CD96: variants seen among roughly 807,000 people sequenced by gnomAD.
CD96 encodes the protein CD96 molecule.
A neutral mutation model predicts 71.3 loss-of-function variants in CD96; 70 were observed. The ratio of observed to expected loss-of-function variants is 0.98; its 90% CI spans 0.81 to 1.20. The LOEUF (loss-of-function observed/expected upper bound fraction) is 1.20, where lower values mean the gene tolerates loss of function less well. Ranked by LOEUF, CD96 falls within the 50% of genes most tolerant of loss-of-function variation. The pLI is 0.00. For synonymous variants in CD96, 248 were observed against 233.0 expected, an observed-to-expected ratio of 1.06 and a Z score of -0.59; for missense variants, 742 against 677.5, an observed-to-expected ratio of 1.10 and a Z score of -1.06.
chr3:111,655,280 AC>A (rs1039002545), downstream of CD96, among the ~76,000 whole-genome samples: 3 of 152,070 alleles, frequency 2.0e-5, no homozygotes, highest in Non-Finnish European at 4.4e-5. Flanking sequence ...TTTCCTGAAT[AC>A]CTCTTTTCGA....
At position 111,586,800 on chromosome 3, in the gene CD96, G is replaced by A. The variant is rs989191895; in HGVS notation, c.807+1422G>A. Among the ~76,000 whole-genome samples the A allele has an allele frequency of 2.0e-5, 3 of 152,170 alleles. 1 individual carries two copies. The highest frequency in any genetic ancestry group is 4.2e-4 in the South Asian group (2 of 4,810). On this transcript the variant is annotated intron_variant, in intron 5 of 13. Coordinates refer to ENST00000352690, the MANE Select transcript of CD96 (RefSeq NM_005816.5). ...TCCCACCAGGTCCCTCCCACAACACGTGGGAATTCGAGATTAGATTTGGGT... is the reference window on the plus strand; with the variant it reads ...TCCCACCAGGTCCCTCCCACAACACATGGGAATTCGAGATTAGATTTGGGT...
chr3:111,657,323 C>G (rs1940254397), downstream of CD96, among the ~76,000 whole-genome samples: 1 of 151,716 alleles, frequency 6.6e-6, no homozygotes, highest in Non-Finnish European at 1.5e-5. Flanking sequence ...GAGGCTGAGG[C>G]AGGAGAATCA....
At chr3:111,568,591 C>T (rs1429240977) in intron 3 of CD96, among the ~76,000 whole-genome samples, 2 of 152,150 alleles carry the variant, frequency 1.3e-5, no homozygotes, top group Non-Finnish European at 2.9e-5. Flanking sequence ...TGGCCTGTCC[C>T]TTAACAAAAC....
At chr3:111,589,737 C>CTTAT (rs1193612913) in intron 5 of CD96, among the ~76,000 whole-genome samples, 2 of 152,144 alleles carry the variant, frequency 1.3e-5, no homozygotes, top group African/African-American at 4.8e-5. Flanking sequence ...GGCTGAGTCA[C>CTTAT]TAATAAGGGG....
intron 8 of CD96, among the ~76,000 whole-genome samples, chr3:111,618,291 C>T (rs1043663792): frequency 6.6e-6 from 1 of 152,244 alleles, no homozygotes; most frequent in Non-Finnish European, 1.5e-5. Context: ...CACAGAATTT[C>T]TGGCTGGCAA....
At chr3:111,661,231 AC>A (rs1356304663) in intron 14 of CD96, among the ~76,000 whole-genome samples, 1 of 152,114 alleles carries the variant, frequency 6.6e-6, no homozygotes, top group Non-Finnish European at 1.5e-5. Context: ...AGGAAGGGGG[AC>A]ACCCACTTCC....
At chr3:111,573,893 C>T (rs1287880224) in intron 3 of CD96, among the ~76,000 whole-genome samples, 3 of 152,158 alleles carry the variant, frequency 2.0e-5, no homozygotes, top group East Asian at 3.8e-4. Context: ...TTCTAATTGT[C>T]TTTAATAAAA....
chr3:111,614,995 G>A (rs958935112), intron 8 of CD96, among the ~76,000 whole-genome samples: 1 of 152,160 alleles, frequency 6.6e-6, no homozygotes, highest in African/African-American at 2.4e-5. Context: ...GGTTGATGAT[G>A]GACCACCACT....
At chr3:111,607,837 T>C (rs1937697306) in intron 8 of CD96, among the ~76,000 whole-genome samples, 1 of 152,214 alleles carries the variant, frequency 6.6e-6, no homozygotes, top group African/African-American at 2.4e-5. Flanking sequence ...TCTTTTCTTC[T>C]TTTTTTGAAG....
chr3:111,647,782 G>A, intron 13 of CD96, 116 bp downstream of exon 13: 1 of 753,810 alleles, frequency 1.3e-6, no homozygotes, highest in Non-Finnish European at 2.2e-6. Flanking sequence ...GGGAAATAAT[G>A]CTCACAGAAG....
Position 111,585,359 on chromosome 3 carries a change from C to T in CD96, c.788C>T (p.Ser263Phe), listed in dbSNP as rs776741463. ...ATCCCTGTGATTGTGGAAAATAACTCCACGGATGTCTTGGTAGAGGTGAGT... is the reference window on the plus strand; with the variant it reads ...ATCCCTGTGATTGTGGAAAATAACTTCACGGATGTCTTGGTAGAGGTGAGT... ...PEIPVIVENN[S>F]TDVLVERRFT... The change falls in exon 5 of 14, where the codon TCC becomes TTC. Residue 263 changes from serine to phenylalanine, a missense_variant. Transcript: ENST00000352690. The T allele has an allele frequency of 2.5e-6, 4 of 1,609,116 alleles. No individual in the cohort carries two copies. Among genetic ancestry groups the T allele is most frequent in the Non-Finnish European group, 3.4e-6 (4 of 1,175,656 alleles).
intron 8 of CD96, 136 bp from the exon 9 acceptor site, chr3:111,623,618 A>C (rs2107711077): frequency 1.5e-6 from 1 of 683,194 alleles, no homozygotes; most frequent in African/African-American, 1.8e-5. Flanking sequence ...ATTCGGTTTC[A>C]TCATTTATAA....
At chr3:111,547,323 C>G (rs1934459447) in intron 2 of CD96, among the ~76,000 whole-genome samples, 1 of 152,170 alleles carries the variant, frequency 6.6e-6, no homozygotes, top group Admixed American at 6.5e-5. Flanking sequence ...AGCCCTGCTC[C>G]TTCTTTTTAT....
intron 1 of CD96, among the ~76,000 whole-genome samples, chr3:111,544,745 T>C (rs1934297072): frequency 6.6e-6 from 1 of 152,226 alleles, no homozygotes; most frequent in Non-Finnish European, 1.5e-5. Flanking sequence ...AATTTTCAAA[T>C]AGGCTTAATT....
At chr3:111,645,664 AATTGTCTCTTTCATG>A (rs1939795688) in intron 12 of CD96, among the ~76,000 whole-genome samples, 1 of 152,120 alleles carries the variant, frequency 6.6e-6, no homozygotes, top group Non-Finnish European at 1.5e-5. Context: ...TGAGTTGACC[AATTGTCTCTTTCATG>A]ATCATGCTAC....
intron 2 of CD96, among the ~76,000 whole-genome samples, chr3:111,567,300 C>G (rs547872080): frequency 2.0e-5 from 3 of 152,142 alleles, no homozygotes; most frequent in African/African-American, 7.2e-5. Flanking sequence ...GGGGTCATTT[C>G]CTTGTAATTT....
intron 8 of CD96, among the ~76,000 whole-genome samples, chr3:111,610,570 G>T (rs999565867): frequency 5.3e-5 from 8 of 152,164 alleles, no homozygotes; most frequent in African/African-American, 1.9e-4. Flanking sequence ...TTTAATGAGG[G>T]GAGGAGAACT....
intron 13 of CD96, among the ~76,000 whole-genome samples, chr3:111,649,469 G>T (rs1345957466): frequency 1.3e-5 from 2 of 152,188 alleles, no homozygotes; most frequent in Non-Finnish European, 2.9e-5. Context: ...AGTAAATAAT[G>T]TTATGATAAA....
chr3:111,589,721 A>G (rs73228187), intron 5 of CD96, among the ~76,000 whole-genome samples: 13,152 of 152,238 alleles, frequency 0.086, 703 homozygotes, highest in Non-Finnish European at 0.12. Flanking sequence ...GAAAGTCTTA[A>G]CAACTGGCTG....
Sources: allele counts gnomAD v4.1 joint callset (sites outside exome capture counted in the v4.1 genomes callset), GRCh38; gene constraint gnomAD v4.1.1; transcripts MANE v1.5; gene names NCBI Gene and HGNC (gene_info 2026-07-23, HGNC 2026-07-21).